Variants in PAAF1 observed in about 807,000 individuals in gnomAD.
PAAF1 encodes the protein proteasomal ATPase associated factor 1.
PAAF1 carries 46 observed loss-of-function variants against 52.8 expected under a neutral mutation model. The observed-to-expected ratio is 0.87, with a 90% CI of 0.69 to 1.11. The LOEUF is 1.11. PAAF1 is among the 50% of genes most tolerant of loss of function. PAAF1 has a pLI of 0.00. For missense variants in PAAF1, 424 were observed against 477.4 expected (o/e 0.89, Z 1.04); for synonymous variants, 178 against 172.8 (o/e 1.03, Z -0.24).
At chr11:73,882,895 G>C (rs1226662235) in intron 2 of PAAF1, among the ~76,000 whole-genome samples, 1 of 151,444 alleles carries the variant, frequency 6.6e-6, no homozygotes, top group Non-Finnish European at 1.5e-5. Flanking sequence ...GAGCCACTGT[G>C]CCTGGCCTGT....
Position 73,927,395 on chromosome 11 carries a change from AG to A in PAAF1, c.*35del, listed in dbSNP as rs746056722. On this transcript the variant is annotated 3_prime_UTR_variant, in exon 12 of 12. Transcript: ENST00000310571. ...GAAAGAGCAGTCCCGGTTAGTGAAA[AG>A]GTTTGACCCTGATCAACAATGAGCA... The A allele has an allele frequency of 9.6e-6, 15 of 1,563,470 alleles. No homozygotes were observed. The highest frequency in any genetic ancestry group is 1.3e-5 in the Non-Finnish European group (15 of 1,135,192).
chr11:73,879,832 C>T (rs1036454786), intron 2 of PAAF1: 2 of 151,238 alleles, frequency 1.3e-5, no homozygotes, highest in Non-Finnish European at 2.9e-5. Flanking sequence ...ATGATCGAAC[C>T]ATTGCACTTT....
rs1455392655 is a variant in PAAF1 at position 73,929,486 on chromosome 11, A to G, written c.*2124A>G. 1.3e-5 allele frequency: 2 copies of G among 152,226 alleles called. No homozygotes were observed. The highest frequency in any genetic ancestry group is 2.9e-5 in the Non-Finnish European group (2 of 68,040). The allele number at this position is 152,226 out of a possible 1,614,324, so 9.4% of individuals were successfully genotyped here. A position where few individuals can be genotyped will look rare whatever the true frequency, so the allele number is the denominator to read the frequency against. On this transcript the variant is annotated 3_prime_UTR_variant, in exon 12 of 12. Transcript: ENST00000310571. The stretch of plus-strand genomic sequence containing the variant: ...CTATATTTATATATCTAATTCTTAC[A>G]AGACTCAAAAAGCGAATGTTATTAT...
intron 2 of PAAF1, chr11:73,880,548 G>A (rs1948866991): frequency 2.0e-5 from 3 of 150,522 alleles, no homozygotes; most frequent in Admixed American, 6.7e-5. Context: ...TTAGCCGGAT[G>A]TGGTGGTGGG....
intron 3 of PAAF1, chr11:73,889,326 T>A: frequency 1.2e-6 from 1 of 829,200 alleles, no homozygotes; most frequent in Non-Finnish European, 1.7e-6. Flanking sequence ...TACATTGTTC[T>A]CTTAAACAGT....
upstream of PAAF1, chr11:73,876,753 T>C: frequency 5.8e-6 from 2 of 342,118 alleles, no homozygotes; most frequent in East Asian, 4.3e-5. Context: ...TACGCGATGC[T>C]CACCGAACAG....
intron 6 of PAAF1, among the ~76,000 whole-genome samples, chr11:73,901,935 C>G (rs1399196745): frequency 6.8e-6 from 1 of 146,150 alleles, no homozygotes; most frequent in Non-Finnish European, 1.5e-5. Flanking sequence ...GCCAGCTCGG[C>G]TCACTGCAAC....
At chr11:73,897,523 G>A (rs913365449) in intron 4 of PAAF1, among the ~76,000 whole-genome samples, 2 of 150,796 alleles carry the variant, frequency 1.3e-5, no homozygotes, top group Admixed American at 6.6e-5. Flanking sequence ...CAGGGCAGAG[G>A]TGCTCCCCAC....
chr11:73,898,212 A>AAGGGGG (rs1949480176), intron 4 of PAAF1, among the ~76,000 whole-genome samples: 1 of 77,574 alleles, frequency 1.3e-5, no homozygotes, highest in Non-Finnish European at 2.6e-5. Flanking sequence ...GGGGGAGGGG[A>AAGGGGG]AGGGGGAGGG....
At chr11:73,897,551 G>A (rs1949442274) in intron 4 of PAAF1, among the ~76,000 whole-genome samples, 3 of 151,826 alleles carry the variant, frequency 2.0e-5, no homozygotes, top group Non-Finnish European at 4.4e-5. Flanking sequence ...ACGATGGGCG[G>A]CCGGGCAGAG....
chr11:73,900,129 C>T, intron 5 of PAAF1, 141 bp from the exon 6 acceptor site: 3 of 834,822 alleles, frequency 3.6e-6, no homozygotes, highest in Non-Finnish European at 5.4e-6. Context: ...CTAAGAGATC[C>T]TTTGGATATC....
intron 3 of PAAF1, chr11:73,888,919 A>C (rs549966541): frequency 2.1e-6 from 1 of 474,122 alleles, no homozygotes; most frequent in African/African-American, 2.0e-5. Flanking sequence ...AATCTATAAA[A>C]TACTACAGAA....
intron 2 of PAAF1, among the ~76,000 whole-genome samples, chr11:73,883,676 C>A (rs1377752121): frequency 6.6e-6 from 1 of 151,970 alleles, no homozygotes; most frequent in Non-Finnish European, 1.5e-5. Flanking sequence ...GCCACCACAC[C>A]CGGGTAATTT....
chr11:73,877,260 C>A, intron 1 of PAAF1, 192 bp downstream of exon 1: 3 of 468,184 alleles, frequency 6.4e-6, no homozygotes, highest in African/African-American at 2.0e-5. Flanking sequence ...ATCCCTAGGC[C>A]AAGGGAGCAC....
chr11:73,882,727 G>A (rs896004286), intron 2 of PAAF1, among the ~76,000 whole-genome samples: 6 of 151,596 alleles, frequency 4.0e-5, no homozygotes, highest in East Asian at 2.0e-4. Flanking sequence ...CTCAGCCTCC[G>A]AAGTAGCTGG....
intron 6 of PAAF1, among the ~76,000 whole-genome samples, chr11:73,905,729 G>A (rs1173091800): frequency 6.6e-6 from 1 of 152,118 alleles, no homozygotes; most frequent in Non-Finnish European, 1.5e-5. Context: ...CTAGATTGCA[G>A]CTCTTTGGTG....
rs1411804729 is a variant in PAAF1 at position 73,930,924 on chromosome 11, G to A, written c.*3562G>A. ...GTTTTGAGATCTATTGCATAGCATG[G>A]TAGATTGCTAAGAGTAAATTTCAAA... On this transcript the variant is annotated 3_prime_UTR_variant, in exon 12 of 12. Coordinates refer to ENST00000310571, the MANE Select transcript of PAAF1 (RefSeq NM_025155.3). 6.6e-6 allele frequency: 1 copy of A among 151,864 alleles called. No homozygotes were observed. Among genetic ancestry groups the A allele is most frequent in the Non-Finnish European group, 1.5e-5 (1 of 67,984 alleles). The allele number at this position is 151,864 out of a possible 1,614,324, so 9.4% of individuals were successfully genotyped here. A position where few individuals can be genotyped will look rare whatever the true frequency, so the allele number is the denominator to read the frequency against.
intron 4 of PAAF1, among the ~76,000 whole-genome samples, chr11:73,898,828 C>T (rs1565135879): frequency 6.6e-6 from 1 of 151,886 alleles, no homozygotes; most frequent in African/African-American, 2.4e-5. Context: ...AACAAACAAA[C>T]AAACAAATAA....
At chr11:73,882,048 A>AT (rs201679598) in intron 2 of PAAF1, among the ~76,000 whole-genome samples, 4,646 of 141,866 alleles carry the variant, frequency 0.033, 116 homozygotes, top group South Asian at 0.13. Context: ...CTAATTTTGT[A>AT]TTTTTTTTTT....
Sources: allele counts gnomAD v4.1 joint callset (sites outside exome capture counted in the v4.1 genomes callset), GRCh38; gene constraint gnomAD v4.1.1; transcripts MANE v1.5; gene names NCBI Gene and HGNC (gene_info 2026-07-23, HGNC 2026-07-21).